EYS: variants seen among roughly 807,000 people sequenced by gnomAD.
EYS encodes the protein EGF-like photoreceptor maintenance factor.
EYS carries 250 observed loss-of-function variants against 282.1 expected under a neutral mutation model. The ratio of observed to expected loss-of-function variants is 0.89; its 90% CI spans 0.80 to 0.98. The LOEUF is 0.98. EYS is among the 50% of genes least tolerant of loss of function. The probability of loss-of-function intolerance (pLI) is 0.00; values close to 1 mark genes in which losing one functional copy is unlikely to be tolerated. For missense variants in EYS, 4,016 were observed against 3,709.0 expected, an observed-to-expected ratio of 1.08 and a Z score of -2.15; for synonymous variants, 1,355 against 1,282.9, an observed-to-expected ratio of 1.06 and a Z score of -1.20.
At chr6:64,170,804 G>T (rs904627343) in intron 31 of EYS, among the ~76,000 whole-genome samples, 6 of 151,648 alleles carry the variant, frequency 4.0e-5, no homozygotes, top group Non-Finnish European at 8.8e-5. Context: ...AAATAATAAA[G>T]ATCTCATTTT....
chr6:65,193,512 A>G (rs900360516), intron 12 of EYS, among the ~76,000 whole-genome samples: 3 of 151,124 alleles, frequency 2.0e-5, no homozygotes, highest in African/African-American at 7.3e-5. Context: ...TGATGATGCC[A>G]TTTTTTTTTC....
intron 11 of EYS, chr6:65,304,124 GT>G (rs1424414305): frequency 1.1e-5 from 8 of 711,806 alleles, no homozygotes; most frequent in Middle Eastern, 2.3e-4. Flanking sequence ...TCTGAGCCGT[GT>G]TAGAATGGAA....
intron 28 of EYS, among the ~76,000 whole-genome samples, chr6:64,390,139 G>T (rs1245951229): frequency 6.6e-6 from 1 of 152,198 alleles, no homozygotes; most frequent in Non-Finnish European, 1.5e-5. Flanking sequence ...ACGGAGTCTC[G>T]CTGATTGCTA....
chr6:64,345,903 A>T (rs766486692), intron 29 of EYS, among the ~76,000 whole-genome samples: 33 of 152,324 alleles, frequency 2.2e-4, no homozygotes, highest in Admixed American at 5.9e-4. Context: ...ATATGAACAG[A>T]CACTTCTCAA....
intron 2 of EYS, among the ~76,000 whole-genome samples, chr6:65,496,477 T>C (rs1766262516): frequency 6.6e-6 from 1 of 151,986 alleles, no homozygotes; most frequent in Non-Finnish European, 1.5e-5. Flanking sequence ...ACAATTAAAC[T>C]CAAATTTTGA....
intron 29 of EYS, among the ~76,000 whole-genome samples, chr6:64,314,492 A>G (rs1179054909): frequency 6.6e-6 from 1 of 152,148 alleles, no homozygotes; most frequent in African/African-American, 2.4e-5. Context: ...ATTAATAAGC[A>G]CCACATCACA....
chr6:64,819,588 TA>T (rs1308322680), intron 21 of EYS, among the ~76,000 whole-genome samples: 1 of 151,992 alleles, frequency 6.6e-6, no homozygotes, highest in Non-Finnish European at 1.5e-5. Context: ...TTATCAATCA[TA>T]ATATATTCAC....
chr6:65,427,489 T>G (rs942913692), intron 5 of EYS, among the ~76,000 whole-genome samples: 1 of 152,074 alleles, frequency 6.6e-6, no homozygotes, highest in Admixed American at 6.5e-5. Flanking sequence ...AAATTGTGTT[T>G]TCAATAGCCT....
chr6:65,627,660 C>G (rs945880516), intron 2 of EYS, among the ~76,000 whole-genome samples: 2 of 152,176 alleles, frequency 1.3e-5, no homozygotes, highest in African/African-American at 4.8e-5. Context: ...CCTGCTGGCA[C>G]CAGGCAATGA....
chr6:65,318,585 T>C (rs1769379059), intron 11 of EYS, among the ~76,000 whole-genome samples: 2 of 147,284 alleles, frequency 1.4e-5, no homozygotes, highest in African/African-American at 4.9e-5. Flanking sequence ...TACATATATT[T>C]TGTATATATA....
intron 22 of EYS, among the ~76,000 whole-genome samples, chr6:64,648,698 AAGAT>A (rs556949358): frequency 1.8e-3 from 280 of 152,342 alleles, no homozygotes; most frequent in Non-Finnish European, 2.3e-3. Flanking sequence ...TCATAAAAGA[AAGAT>A]AGACTGATAA....
At chr6:64,534,463 G>C (rs1470733307) in intron 26 of EYS, among the ~76,000 whole-genome samples, 1 of 152,008 alleles carries the variant, frequency 6.6e-6, no homozygotes, top group Non-Finnish European at 1.5e-5. Context: ...AGATCTTTCA[G>C]TTTACATTAA....
chr6:65,496,170 G>C (rs191592922), intron 2 of EYS, among the ~76,000 whole-genome samples, 177 bp from the exon 3 acceptor site: 1 of 152,124 alleles, frequency 6.6e-6, no homozygotes, highest in Admixed American at 6.6e-5. Flanking sequence ...CCTAGAATGA[G>C]TCTTCTGTAG....
At chr6:64,404,689 G>C (rs1773652423) in intron 28 of EYS, among the ~76,000 whole-genome samples, 1 of 152,118 alleles carries the variant, frequency 6.6e-6, no homozygotes, top group African/African-American at 2.4e-5. Context: ...AATGGGGTTG[G>C]GGACTGATTT....
chr6:65,638,939 G>T (rs1379056090), intron 2 of EYS, among the ~76,000 whole-genome samples: 2 of 152,194 alleles, frequency 1.3e-5, no homozygotes, highest in East Asian at 1.9e-4. Flanking sequence ...GTGTTGCCAA[G>T]ATTTTAATTT....
In EYS at chr6:65,487,402, G is replaced by A. The variant is rs529188335; in HGVS notation, c.862+3192C>T. On this transcript the variant is annotated intron_variant, in intron 5 of 42. Coordinates refer to ENST00000503581, the MANE Select transcript of EYS (RefSeq NM_001142800.2). ...GCATGAAAGGCTGTTGAATTTTGTC[G>A]AAGGCCTTTTCTGCATCTATTGAGA... 4.7e-4 allele frequency among the ~76,000 whole-genome samples: 71 copies of A among 152,182 alleles called. No homozygotes were observed. In the South Asian group the frequency reaches 0.012, roughly 27 times the overall value.
chr6:63,829,416 T>A (rs531228393), intron 36 of EYS, among the ~76,000 whole-genome samples: 5 of 152,298 alleles, frequency 3.3e-5, no homozygotes, highest in Middle Eastern at 3.4e-3. Context: ...GGAGATTATA[T>A]CCCACACCTG....
intron 12 of EYS, among the ~76,000 whole-genome samples, chr6:65,069,292 T>A (rs1449593267): frequency 1.3e-5 from 2 of 152,022 alleles, no homozygotes; most frequent in African/African-American, 4.8e-5. Flanking sequence ...ATCATCCTCA[T>A]TCTTTCTCTC....
chr6:63,929,105 G>C (rs764546455), intron 35 of EYS, among the ~76,000 whole-genome samples: 8 of 152,174 alleles, frequency 5.3e-5, no homozygotes, highest in Non-Finnish European at 1.2e-4. Context: ...TGGGATCCAT[G>C]AGCATGTCAT....
Sources: gnomAD v4.1 joint callset for allele counts (sites outside exome capture counted in the v4.1 genomes callset) on GRCh38, gnomAD v4.1.1 for gene constraint, MANE v1.5 for transcripts, NCBI Gene and HGNC (gene_info 2026-07-23, HGNC 2026-07-21) for gene names.